Variants in STRN3 observed in about 807,000 individuals in gnomAD.
STRN3 encodes striatin 3.
STRN3 carries 29 observed loss-of-function variants against 95.6 expected under a neutral mutation model. The ratio of observed to expected loss-of-function variants is 0.30; its 90% CI spans 0.23 to 0.41. The LOEUF (loss-of-function observed/expected upper bound fraction) is 0.41. Among genes scored for constraint, STRN3 ranks in the 10% least tolerant of loss-of-function variants. The pLI is 1.00. For synonymous variants in STRN3, 331 were observed against 357.6 expected (o/e 0.93, Z 0.84); for missense variants, 890 against 972.1 (o/e 0.92, Z 1.12).
chr14:30,895,431 GAGCATC>G lies in STRN3; in HGVS notation c.2368_2373del (p.Asp790_Ala791del). ...TTGATTCATACAAATACTTTGGCAA[GAGCATC>G]AGCTCCTGCACTAGCTATATATGCT... On this transcript the variant is annotated inframe_deletion, in exon 18 of 18. Coordinates refer to ENST00000357479, the MANE Select transcript of STRN3 (RefSeq NM_001083893.2). 1 of 1,604,456 alleles carries G rather than the reference GAGCATC, an allele frequency of 6.2e-7. No homozygotes were observed. Among genetic ancestry groups the G allele is most frequent in the Non-Finnish European group, 8.5e-7 (1 of 1,174,632 alleles).
At chr14:31,002,867 G>T (rs1173414724) in intron 1 of STRN3, among the ~76,000 whole-genome samples, 1 of 152,034 alleles carries the variant, frequency 6.6e-6, no homozygotes, top group African/African-American at 2.4e-5. Context: ...TGTTTAATGG[G>T]TATAGCTTCA....
At chr14:30,969,735 A>G (rs974552310) in intron 1 of STRN3, among the ~76,000 whole-genome samples, 5 of 152,204 alleles carry the variant, frequency 3.3e-5, no homozygotes, top group Non-Finnish European at 5.9e-5. Context: ...CAAAAGGTCA[A>G]TTTCTTAGAA....
chr14:30,903,470 T>C (rs1481611901), intron 15 of STRN3, among the ~76,000 whole-genome samples: 2 of 152,176 alleles, frequency 1.3e-5, no homozygotes, highest in South Asian at 4.1e-4. Flanking sequence ...GGTGCAATCA[T>C]AGCTCACTGT....
intron 1 of STRN3, among the ~76,000 whole-genome samples, chr14:31,010,720 T>C (rs1223584237): frequency 6.6e-6 from 1 of 152,182 alleles, no homozygotes; most frequent in Non-Finnish European, 1.5e-5. Context: ...CGCCCCACAG[T>C]GCATTAATCT....
At chr14:30,982,680 C>T (rs537047143) in intron 1 of STRN3, among the ~76,000 whole-genome samples, 48 of 152,316 alleles carry the variant, frequency 3.2e-4, no homozygotes, top group Middle Eastern at 3.4e-3. Context: ...AAGCATTAAG[C>T]CACAGATAAG....
chr14:31,002,586 A>T (rs1314794753), intron 1 of STRN3, among the ~76,000 whole-genome samples: 2 of 151,412 alleles, frequency 1.3e-5, no homozygotes, highest in Non-Finnish European at 2.9e-5. Flanking sequence ...GGTTACAGTG[A>T]GCCAAGATCA....
In STRN3 at chr14:30,893,948, T is replaced by C. The variant is rs1276907640; in HGVS notation, c.*1463A>G. 6.6e-6 allele frequency: 1 copy of C among 152,596 alleles called. No homozygotes were observed. The highest frequency in any genetic ancestry group is 1.9e-4 in the East Asian group (1 of 5,206). 9.5% of individuals were successfully genotyped at this position (152,596 alleles called of 1,614,324 possible). A position where few individuals can be genotyped will look rare whatever the true frequency, so the allele number is the denominator to read the frequency against. ...TACATTATTTTTCAACAGCTGTATG[T>C]TTGCTATGTGGTACAATCTTAAAAA... On this transcript the variant is annotated 3_prime_UTR_variant, in exon 18 of 18. Transcript: ENST00000357479.
At position 30,895,683 on chromosome 14, in the gene STRN3, C is replaced by T; in HGVS notation, c.2203G>A (p.Gly735Arg). The T allele has an allele frequency of 6.2e-7, 1 of 1,613,830 alleles. No individual in the cohort carries two copies. The highest frequency in any genetic ancestry group is 8.5e-7 in the Non-Finnish European group (1 of 1,179,922). ...AVTSLAVDPN[G>R]IYLMSGSHDC... Reference sequence around the variant, plus strand: ...TTACTTCCAGACATCAAATAGATTCCATTAGGATCTACTGCTAGACTTGTA... The same window carrying T: ...TTACTTCCAGACATCAAATAGATTCTATTAGGATCTACTGCTAGACTTGTA... The change falls in exon 17 of 18, where the codon GGA (glycine) becomes AGA (arginine). Residue 735 changes from glycine to arginine, a missense_variant. Coordinates refer to ENST00000357479, the MANE Select transcript of STRN3 (RefSeq NM_001083893.2).
At chr14:30,938,224 C>T (rs781019985) in intron 5 of STRN3, among the ~76,000 whole-genome samples, 8 of 151,610 alleles carry the variant, frequency 5.3e-5, no homozygotes, top group Non-Finnish European at 1.2e-4. Context: ...CCCACCCAAT[C>T]CAGCACACTG....
At chr14:31,012,368 A>T (rs1262624617) in intron 1 of STRN3, among the ~76,000 whole-genome samples, 1 of 152,264 alleles carries the variant, frequency 6.6e-6, no homozygotes, top group African/African-American at 2.4e-5. Context: ...GCCATGAAAT[A>T]AAGTGTCACA....
chr14:31,012,080 T>C (rs1882997105), intron 1 of STRN3, among the ~76,000 whole-genome samples: 1 of 152,032 alleles, frequency 6.6e-6, no homozygotes, highest in Admixed American at 6.5e-5. Context: ...AGACTCTGTC[T>C]CAAAAAAAAG....
chr14:30,944,164 G>C (rs1006361077), intron 5 of STRN3, among the ~76,000 whole-genome samples: 7 of 151,934 alleles, frequency 4.6e-5, no homozygotes, highest in African/African-American at 1.7e-4. Context: ...AAAAACGAAA[G>C]GATCTTTGAT....
intron 1 of STRN3, among the ~76,000 whole-genome samples, chr14:30,975,267 G>A (rs1030516849): frequency 1.3e-5 from 2 of 151,244 alleles, no homozygotes; most frequent in Admixed American, 1.3e-4. Flanking sequence ...TCTGGATGGA[G>A]CTGGAGAGAC....
intron 13 of STRN3, among the ~76,000 whole-genome samples, chr14:30,908,902 G>A (rs1025151979): frequency 7.2e-5 from 11 of 152,140 alleles, no homozygotes; most frequent in South Asian, 4.1e-4. Context: ...CTTCAATCGA[G>A]ATCTCTTTGG....
intron 5 of STRN3, among the ~76,000 whole-genome samples, chr14:30,944,568 TATACACACACAGACAC>T (rs1879264605): frequency 7.5e-6 from 1 of 132,890 alleles, no homozygotes; most frequent in South Asian, 2.3e-4. Flanking sequence ...TATATATATA[TATACACACACAGACAC>T]ACGCACATAC....
At chr14:30,985,304 G>A (rs1230362869) in intron 1 of STRN3, among the ~76,000 whole-genome samples, 2 of 59,588 alleles carry the variant, frequency 3.4e-5, no homozygotes, top group African/African-American at 6.8e-5. Flanking sequence ...GTAAAACTCC[G>A]CCAAAAAAAA....
chr14:30,905,614 C>T lies in STRN3; in HGVS notation c.1889-56G>A, dbSNP rs974707778. ...ACAAAGTAAAATTACTATGAAATCT[C>T]TACTTTTTGAAATCTCTGTTTTTCT... On this transcript the variant is annotated intron_variant, in intron 14 of 17. Transcript: ENST00000357479. The T allele has an allele frequency of 1.1e-4, 176 of 1,531,852 alleles. 1 individual carries two copies. In the East Asian group the frequency reaches 4.2e-3, roughly 36 times the overall value. 94.9% of individuals were successfully genotyped at this position (1,531,852 alleles called of 1,614,324 possible).
At chr14:30,912,988 A>G (rs1169453757) in intron 10 of STRN3, among the ~76,000 whole-genome samples, 1 of 152,174 alleles carries the variant, frequency 6.6e-6, no homozygotes, top group Non-Finnish European at 1.5e-5. Context: ...ACTAGAAAAA[A>G]TTAAATCCAA....
chr14:30,984,060 T>C (rs1164392655), intron 1 of STRN3, among the ~76,000 whole-genome samples: 1 of 151,254 alleles, frequency 6.6e-6, no homozygotes, highest in African/African-American at 2.4e-5. Context: ...ATGTCTGATT[T>C]GGCCCACAGA....
Sources: allele counts gnomAD v4.1 joint callset (sites outside exome capture counted in the v4.1 genomes callset), GRCh38; gene constraint gnomAD v4.1.1; transcripts MANE v1.5; gene names NCBI Gene and HGNC (gene_info 2026-07-23, HGNC 2026-07-21).